The following WDR45B variants were observed in gnomAD, a reference collection of about 807,000 sequenced individuals.
WDR45B encodes the protein WD repeat domain phosphoinositide-interacting protein 3.
A neutral mutation model predicts 44.6 loss-of-function variants in WDR45B; 20 were observed. The observed-to-expected ratio is 0.45, with a 90% CI of 0.32 to 0.65. The LOEUF is 0.65. Among genes scored for constraint, WDR45B ranks in the 30% least tolerant of loss-of-function variants. WDR45B has a pLI of 0.05. For synonymous variants in WDR45B, 169 were observed against 164.9 expected, an observed-to-expected ratio of 1.02 and a Z score of -0.19; for missense variants, 323 against 430.2, an observed-to-expected ratio of 0.75 and a Z score of 2.20.
At chr17:82,634,676 G>A (rs917982150) in intron 2 of WDR45B, among the ~76,000 whole-genome samples, 1 of 151,926 alleles carries the variant, frequency 6.6e-6, no homozygotes, top group Admixed American at 6.6e-5. Context: ...TGAACAAACA[G>A]CACGTGCTCC....
At chr17:82,646,583 C>CT (rs1424690092) in intron 1 of WDR45B, among the ~76,000 whole-genome samples, 2 of 151,004 alleles carry the variant, frequency 1.3e-5, no homozygotes, top group Non-Finnish European at 3.0e-5. Context: ...CAAAACTAAT[C>CT]TATGATGTCA....
chr17:82,643,821 T>C (rs1223770697), intron 2 of WDR45B, 128 bp downstream of exon 2: 2 of 877,960 alleles, frequency 2.3e-6, no homozygotes, highest in South Asian at 1.4e-5. Flanking sequence ...TCCAAGTTTA[T>C]GAGGGGCCAT....
intron 3 of WDR45B, among the ~76,000 whole-genome samples, chr17:82,627,997 C>T (rs75359963): frequency 0.015 from 2,279 of 152,320 alleles, 21 homozygotes; most frequent in Non-Finnish European, 0.02. Context: ...TCCTCTTTTT[C>T]TGTTTTTCTT....
At chr17:82,616,291 T>C (rs1377928938) in intron 9 of WDR45B, among the ~76,000 whole-genome samples, 2 of 152,232 alleles carry the variant, frequency 1.3e-5, no homozygotes, top group Non-Finnish European at 2.9e-5. Context: ...TTGGAAGACC[T>C]GTCCCTGTGA....
rs1321212065 is a variant in WDR45B, at chr17:82,639,132, A to G, written c.142+4817T>C. On this transcript the variant is annotated intron_variant, in intron 2 of 9. Coordinates refer to ENST00000392325, the MANE Select transcript of WDR45B (RefSeq NM_019613.4). ...CACTCTGCCTGGCCACGTATGTTCT[A>G]AACTTTGTGCATAGATATTTTGTTC... Among the ~76,000 whole-genome samples, 2 of 151,964 alleles carry G rather than the reference A, an allele frequency of 1.3e-5. 1 individual carries two copies. The highest frequency in any genetic ancestry group is 4.8e-5 in the African/African-American group (2 of 41,246).
At chr17:82,647,469 C>G (rs2045993668) in intron 1 of WDR45B, among the ~76,000 whole-genome samples, 1 of 152,206 alleles carries the variant, frequency 6.6e-6, no homozygotes, top group Non-Finnish European at 1.5e-5. Context: ...CCGACCGCGC[C>G]GCCCCGGCCG....
chr17:82,638,230 A>G (rs186437258), intron 2 of WDR45B, among the ~76,000 whole-genome samples: 1,081 of 4,456 alleles, frequency 0.24, 109 homozygotes, highest in Middle Eastern at 0.5. Flanking sequence ...GGGAGGGGAG[A>G]GGAGGGGAGG....
intron 4 of WDR45B, chr17:82,625,907 T>TG (rs1243015551): frequency 6.3e-5 from 16 of 252,674 alleles, no homozygotes; most frequent in African/African-American, 3.4e-4. Context: ...TTTTTATAGA[T>TG]GGAGTCTCAC....
intron 7 of WDR45B, 187 bp from the exon 8 acceptor site, chr17:82,617,584 A>AAGCCAC (rs2045554253): frequency 9.2e-6 from 6 of 652,736 alleles, no homozygotes; most frequent in African/African-American, 1.8e-5. Flanking sequence ...TGAAGCCACA[A>AAGCCAC]AGCCACAGCC....
chr17:82,616,349 GCCGTGCAGACCGTAAGCGGGA>G (rs1287790643), intron 9 of WDR45B, among the ~76,000 whole-genome samples, 154 bp downstream of exon 9: 13 of 152,226 alleles, frequency 8.5e-5, no homozygotes, highest in African/African-American at 3.1e-4. Flanking sequence ...ATCCCAAATG[GCCGTGCAGACCGTAAGCGGGA>G]CACACTGAGC....
chr17:82,618,965 C>T (rs1363304594), intron 7 of WDR45B, 78 bp downstream of exon 7: 3 of 1,395,586 alleles, frequency 2.1e-6, no homozygotes, highest in Non-Finnish European at 3.1e-6. Context: ...GCTCCTACCC[C>T]CTCTCCCAAA....
chr17:82,618,150 G>A (rs1317914357), intron 7 of WDR45B, among the ~76,000 whole-genome samples: 4 of 152,078 alleles, frequency 2.6e-5, no homozygotes, highest in Admixed American at 6.5e-5. Flanking sequence ...GGCTGGTCTC[G>A]AACTCCTGAC....
chr17:82,621,028 A>G (rs2045607899), intron 6 of WDR45B, among the ~76,000 whole-genome samples: 1 of 151,190 alleles, frequency 6.6e-6, no homozygotes, highest in Non-Finnish European at 1.5e-5. Flanking sequence ...ACTGTAATCA[A>G]CTTGGATGTG....
chr17:82,643,414 C>T (rs1039976691), intron 2 of WDR45B, among the ~76,000 whole-genome samples: 9 of 150,654 alleles, frequency 6.0e-5, no homozygotes, highest in African/African-American at 2.0e-4. Context: ...GCCTGGGCGA[C>T]AGAGCAAGAT....
chr17:82,631,277 A>ATT (rs386386786), intron 2 of WDR45B, among the ~76,000 whole-genome samples: 14,715 of 86,836 alleles, frequency 0.17, 1,553 homozygotes, highest in Non-Finnish European at 0.2. Flanking sequence ...TACAGGACTC[A>ATT]TTTTTTTTTT....
intron 5 of WDR45B, among the ~76,000 whole-genome samples, chr17:82,625,010 G>A (rs983717673): frequency 6.6e-6 from 1 of 152,134 alleles, no homozygotes; most frequent in Admixed American, 6.6e-5. Flanking sequence ...ATATGAAGAT[G>A]GTACAATAAA....
Position 82,615,760 on chromosome 17 carries a change from G to A in WDR45B, c.*159C>T. On this transcript the variant is annotated 3_prime_UTR_variant, in exon 10 of 10. Transcript: ENST00000392325. ...TGATTCTCTCTTTAATACTGGAAAT[G>A]GGAGTCCTTAGGAAAGCAGACAACC... 1.5e-6 allele frequency: 1 copy of A among 686,586 alleles called. No individual in the cohort carries two copies. Among genetic ancestry groups the A allele is most frequent in the Admixed American group, 2.3e-5 (1 of 43,944 alleles). The allele number at this position is 686,586 out of a possible 1,614,324, so 42.5% of individuals were successfully genotyped here. A position where few individuals can be genotyped will look rare whatever the true frequency, so the allele number is the denominator to read the frequency against.
intron 1 of WDR45B, among the ~76,000 whole-genome samples, chr17:82,647,140 AAT>A (rs2045988402): frequency 6.6e-6 from 1 of 152,182 alleles, no homozygotes; most frequent in Non-Finnish European, 1.5e-5. Context: ...GAGGCAGGAG[AAT>A]GGCGTGAACC....
intron 6 of WDR45B, 38 bp downstream of exon 6, chr17:82,621,571 A>G (rs572298212): frequency 6.2e-7 from 1 of 1,613,306 alleles, no homozygotes; most frequent in South Asian, 1.1e-5. Flanking sequence ...CTGCTGCTCC[A>G]GGAGGCACAA....
Sources: allele counts gnomAD v4.1 joint callset (sites outside exome capture counted in the v4.1 genomes callset), GRCh38; gene constraint gnomAD v4.1.1; transcripts MANE v1.5; gene names NCBI Gene and HGNC (gene_info 2026-07-23, HGNC 2026-07-21).